HMBOX1: variants seen among roughly 807,000 people sequenced by gnomAD.
HMBOX1 encodes homeobox containing 1.
HMBOX1 carries 14 observed loss-of-function variants against 54.5 expected under a neutral mutation model. The ratio of observed to expected loss-of-function variants is 0.26; its 90% CI spans 0.17 to 0.40. The LOEUF (loss-of-function observed/expected upper bound fraction) is 0.40. Among genes scored for constraint, HMBOX1 ranks in the 10% least tolerant of loss-of-function variants. The pLI, the probability that HMBOX1 is intolerant of heterozygous loss-of-function variation, is 1.00. For synonymous variants in HMBOX1, 160 were observed against 181.0 expected (o/e 0.88, Z 0.93); for missense variants, 332 against 514.4 (o/e 0.65, Z 3.43).
At chr8:29,004,927 C>T (rs931995537) in intron 4 of HMBOX1, among the ~76,000 whole-genome samples, 8 of 152,128 alleles carry the variant, frequency 5.3e-5, no homozygotes, top group African/African-American at 1.9e-4. Flanking sequence ...TAACAGGCTG[C>T]TTAGAAAAAT....
intron 1 of HMBOX1, among the ~76,000 whole-genome samples, chr8:28,945,743 A>G (rs1358088348): frequency 1.3e-5 from 2 of 152,094 alleles, no homozygotes; most frequent in Non-Finnish European, 2.9e-5. Flanking sequence ...ATGACACAAC[A>G]TAAAGTATAA....
chr8:28,899,421 C>G (rs948661182), intron 1 of HMBOX1, among the ~76,000 whole-genome samples: 8 of 152,180 alleles, frequency 5.3e-5, no homozygotes, highest in Non-Finnish European at 1.2e-4. Context: ...CTGGAACATT[C>G]TCATAGGCAC....
At chr8:28,984,697 T>C (rs1219761404) in intron 4 of HMBOX1, among the ~76,000 whole-genome samples, 1 of 152,248 alleles carries the variant, frequency 6.6e-6, no homozygotes, top group East Asian at 1.9e-4. Context: ...GCATAGTCTT[T>C]GCTTTAGTAA....
chr8:29,019,057 T>G, intron 6 of HMBOX1, 144 bp downstream of exon 6: 1 of 638,930 alleles, frequency 1.6e-6, no homozygotes, highest in South Asian at 2.4e-5. Flanking sequence ...TCATAAATGC[T>G]GTATTATAGA....
chr8:28,941,530 A>C (rs898864013), intron 1 of HMBOX1, among the ~76,000 whole-genome samples: 82 of 152,326 alleles, frequency 5.4e-4, no homozygotes, highest in African/African-American at 1.9e-3. Context: ...TTAATCAAGA[A>C]CATGATCTCA....
intron 6 of HMBOX1, among the ~76,000 whole-genome samples, chr8:29,033,864 C>G (rs1408897244): frequency 1.3e-5 from 2 of 152,134 alleles, no homozygotes; most frequent in African/African-American, 4.8e-5. Flanking sequence ...GAGCAGAATT[C>G]TAGGCATCAT....
chr8:29,012,929 T>C (rs1834398168), intron 5 of HMBOX1, among the ~76,000 whole-genome samples: 1 of 152,208 alleles, frequency 6.6e-6, no homozygotes, highest in Non-Finnish European at 1.5e-5. Flanking sequence ...CTAGGAAAGA[T>C]AGCTCTTTAG....
chr8:28,931,384 A>G (rs1379099955), intron 1 of HMBOX1, among the ~76,000 whole-genome samples: 3 of 152,232 alleles, frequency 2.0e-5, no homozygotes, highest in Admixed American at 2.0e-4. Flanking sequence ...GGGTTGTACT[A>G]GAGAAGACCA....
chr8:28,902,459 C>A (rs1024941506), intron 1 of HMBOX1, among the ~76,000 whole-genome samples: 2 of 152,134 alleles, frequency 1.3e-5, no homozygotes, highest in Admixed American at 6.5e-5. Flanking sequence ...GAAAGAGGAC[C>A]CAACCGTGAG....
chr8:28,990,117 A>T (rs1034484406), intron 4 of HMBOX1, among the ~76,000 whole-genome samples: 2 of 152,140 alleles, frequency 1.3e-5, no homozygotes, highest in South Asian at 4.1e-4. Context: ...CTATACAATC[A>T]TGTTATCTGT....
chr8:28,982,523 C>T (rs1433866223), intron 4 of HMBOX1, among the ~76,000 whole-genome samples: 3 of 152,218 alleles, frequency 2.0e-5, no homozygotes, highest in East Asian at 1.9e-4. Flanking sequence ...GATCATGGCT[C>T]ATTGCAGCGT....
chr8:28,946,774 A>T (rs145209208), intron 1 of HMBOX1, among the ~76,000 whole-genome samples: 1 of 152,214 alleles, frequency 6.6e-6, no homozygotes, highest in Non-Finnish European at 1.5e-5. Context: ...CTGTAGTTAC[A>T]TATAAATCCA....
intron 4 of HMBOX1, among the ~76,000 whole-genome samples, chr8:29,006,863 T>C (rs1833526279): frequency 6.6e-6 from 1 of 152,216 alleles, no homozygotes; most frequent in Non-Finnish European, 1.5e-5. Flanking sequence ...TATTTTTTCT[T>C]AACTGATTTT....
chr8:28,989,001 G>A (rs1227149595), intron 4 of HMBOX1, among the ~76,000 whole-genome samples: 3 of 151,838 alleles, frequency 2.0e-5, no homozygotes, highest in African/African-American at 4.8e-5. Context: ...GACCAAGTGC[G>A]GTGGCTCACG....
At chr8:28,925,641 A>G (rs1234026829) in intron 1 of HMBOX1, among the ~76,000 whole-genome samples, 2 of 16,470 alleles carry the variant, frequency 1.2e-4, no homozygotes, top group Non-Finnish European at 2.4e-4. Flanking sequence ...CCTGGCAGTG[A>G]AAAAAAAAAT....
chr8:29,050,919 T>G (rs889863078), intron 9 of HMBOX1, 99 bp from the exon 10 acceptor site: 2 of 1,208,612 alleles, frequency 1.7e-6, no homozygotes, highest in Admixed American at 4.4e-5. Flanking sequence ...CCCAGTTTCC[T>G]CCCACGAATG....
rs1200809892 is a variant in HMBOX1 at position 28,970,819 on chromosome 8, A to T, written c.500+300A>T. 1 of 272,918 alleles carries T rather than the reference A, an allele frequency of 3.7e-6. No individual in the cohort carries two copies. The highest frequency in any genetic ancestry group is 6.9e-6 in the Non-Finnish European group (1 of 144,600). 16.9% of individuals were successfully genotyped at this position (272,918 alleles called of 1,614,324 possible). ...GACTCTAATAGCTAATTTCTGACTA[A>T]CAGACACATTCTAATCCTTAAAAAT... On this transcript the variant is annotated intron_variant, in intron 3 of 9. Transcript: ENST00000287701. This position sits in a 1 kb window ranked among gnomAD's most constrained non-coding sequence, Gnocchi z 4.3.
chr8:28,960,755 T>TTTTTTTTTTTTTG (rs1825358081), intron 1 of HMBOX1, among the ~76,000 whole-genome samples: 1 of 17,676 alleles, frequency 5.7e-5, no homozygotes. Context: ...CTCTTTTTCT[T>TTTTTTTTTTTTTG]TTTCTTTTTC....
intron 2 of HMBOX1, among the ~76,000 whole-genome samples, chr8:28,968,783 A>G (rs987467111): frequency 3.3e-5 from 5 of 152,214 alleles, no homozygotes; most frequent in African/African-American, 1.2e-4. Flanking sequence ...AGCCTACTGC[A>G]TGCCATGCAT....
Sources: allele counts gnomAD v4.1 joint callset (sites outside exome capture counted in the v4.1 genomes callset), GRCh38; gene constraint gnomAD v4.1.1; non-coding constraint Gnocchi (gnomAD v3.1); transcripts MANE v1.5; gene names NCBI Gene and HGNC (gene_info 2026-07-23, HGNC 2026-07-21).